RSF1: variants seen among roughly 807,000 people sequenced by gnomAD.
RSF1 encodes the protein HBV pX-associated protein 8.
Under a neutral mutation model 145.2 loss-of-function variants are expected in RSF1, and 13 were observed. The ratio of observed to expected loss-of-function variants is 0.09; its 90% confidence interval spans 0.06 to 0.14. The LOEUF is 0.14. Among genes scored for constraint, RSF1 ranks in the 10% least tolerant of loss-of-function variants. The pLI is 1.00. For synonymous variants in RSF1, 577 were observed against 592.6 expected, an observed-to-expected ratio of 0.97 and a Z score of 0.38; for missense variants, 1,517 against 1,718.2, an observed-to-expected ratio of 0.88 and a Z score of 2.07.
At chr11:77,708,031 T>C (rs1302431789) in intron 5 of RSF1, among the ~76,000 whole-genome samples, 2 of 152,208 alleles carry the variant, frequency 1.3e-5, no homozygotes, top group East Asian at 3.8e-4. Context: ...AAGTTTTCTA[T>C]AGTGAACATG....
the RSF1 span, among the ~76,000 whole-genome samples, chr11:77,840,833 G>A: frequency 1.3e-5 from 2 of 152,136 alleles, no homozygotes; most frequent in African/African-American, 4.8e-5. Context: ...ATGGCATCCA[G>A]CCTGGCGAAA....
At chr11:77,772,255 G>T (rs934541741) in intron 1 of RSF1, among the ~76,000 whole-genome samples, 1 of 151,574 alleles carries the variant, frequency 6.6e-6, no homozygotes, top group Non-Finnish European at 1.5e-5. Context: ...CCGCAGCCTC[G>T]ATCTCCTGGA....
At chr11:77,778,189 T>TGGGGAGGGGAGTGGAG (rs1326104652) in intron 1 of RSF1, among the ~76,000 whole-genome samples, 4 of 3,606 alleles carry the variant, frequency 1.1e-3, no homozygotes, top group Admixed American at 8.5e-3. Context: ...AGGGGAGGGG[T>TGGGGAGGGGAGTGGAG]GGGGGAGGGA....
At chr11:77,769,002 A>T (rs1308630881) in intron 1 of RSF1, among the ~76,000 whole-genome samples, 2 of 152,190 alleles carry the variant, frequency 1.3e-5, no homozygotes, top group Non-Finnish European at 2.9e-5. Flanking sequence ...AATTATCTTA[A>T]ATTTTAATAA....
chr11:77,749,795 C>CTGGA (rs1197056240), intron 2 of RSF1, among the ~76,000 whole-genome samples: 2 of 152,190 alleles, frequency 1.3e-5, no homozygotes, highest in African/African-American at 4.8e-5. Context: ...GTCGCCCAGG[C>CTGGA]TGGAGTGCAG....
chr11:77,777,065 C>A (rs1211023192), intron 1 of RSF1, among the ~76,000 whole-genome samples: 1 of 152,118 alleles, frequency 6.6e-6, no homozygotes, highest in East Asian at 1.9e-4. Context: ...GACCTCATCA[C>A]CTCACTTAAA....
chr11:77,701,770 T>C lies in RSF1; in HGVS notation c.1459A>G (p.Thr487Ala), dbSNP rs548757842. Reference sequence around the variant, plus strand: ...GTTATGACAGAATTTAAGGACTCTGTTCCATTTCCCTCCGTGATGATATTT... The same window carrying C: ...GTTATGACAGAATTTAAGGACTCTGCTCCATTTCCCTCCGTGATGATATTT... The part of the protein sequence containing the change: ...DRNIITEGNG[T>A]ESLNSVITSM... Residue 487 changes from threonine (T) to alanine (A), a missense_variant, in exon 6 of 16, where the codon ACA becomes GCA. By Grantham distance (58) the Thr-to-Ala change is moderately conservative. Coordinates refer to ENST00000308488, the MANE Select transcript of RSF1 (RefSeq NM_016578.4). The C allele has an allele frequency of 3.7e-6, 6 of 1,613,974 alleles. No homozygotes were observed. The African/African-American group carries it at 5.3e-5, about 14-fold the overall frequency.
chr11:77,700,601 C>A, intron 6 of RSF1, 120 bp downstream of exon 6: 2 of 685,976 alleles, frequency 2.9e-6, no homozygotes, highest in Non-Finnish European at 4.7e-6. Flanking sequence ...AAAGGTATCT[C>A]AGACAGAGGA....
chr11:77,741,022 AGGGAAAG>A (rs1947930377), intron 3 of RSF1, 86 bp from the exon 4 acceptor site: 3 of 999,798 alleles, frequency 3.0e-6, no homozygotes, highest in Non-Finnish European at 4.6e-6. Flanking sequence ...GAATTGATTC[AGGGAAAG>A]CAGTGGACAG....
At chr11:77,682,106 CT>C (rs1394451356) in intron 11 of RSF1, among the ~76,000 whole-genome samples, 7 of 152,144 alleles carry the variant, frequency 4.6e-5, no homozygotes, top group Non-Finnish European at 7.4e-5. Context: ...CATCTGTCAG[CT>C]TTGACTTCAT....
the RSF1 span, among the ~76,000 whole-genome samples, chr11:77,839,886 G>A: frequency 2.0e-5 from 3 of 152,140 alleles, no homozygotes; most frequent in Non-Finnish European, 2.9e-5. Context: ...ATACCTAGGT[G>A]ATGGGTTGAT....
At chr11:77,835,115 G>A in the RSF1 span, among the ~76,000 whole-genome samples, 1 of 152,180 alleles carries the variant, frequency 6.6e-6, no homozygotes, top group Non-Finnish European at 1.5e-5. Context: ...AGAACAGATA[G>A]ATCTAGCATT....
chr11:77,799,634 C>T (rs1198793888), intron 1 of RSF1, among the ~76,000 whole-genome samples: 1 of 152,070 alleles, frequency 6.6e-6, no homozygotes, highest in Non-Finnish European at 1.5e-5. Flanking sequence ...ACCCCAATCT[C>T]GGGCAGCCAT....
chr11:77,698,262 TAG>T (rs985634523), intron 7 of RSF1, among the ~76,000 whole-genome samples: 1 of 152,214 alleles, frequency 6.6e-6, no homozygotes, highest in African/African-American at 2.4e-5. Context: ...TATTATTATG[TAG>T]AGGAAATATC....
upstream of RSF1, chr11:77,821,186 TGCGGGCAGAG>T (rs1948879892): frequency 2.8e-6 from 1 of 351,260 alleles, no homozygotes; most frequent in African/African-American, 2.1e-5. Context: ...GGAGCGTAAG[TGCGGGCAGAG>T]CACTGCGCCG....
chr11:77,869,938 C>A, the RSF1 span: 18 of 905,782 alleles, frequency 2.0e-5, no homozygotes, highest in Non-Finnish European at 3.0e-5. Context: ...TTTTGCTGAC[C>A]CAGGATAGCA....
At chr11:77,677,905 T>C (rs1045984896) in intron 12 of RSF1, among the ~76,000 whole-genome samples, 181 bp downstream of exon 12, 1 of 152,188 alleles carries the variant, frequency 6.6e-6, no homozygotes, top group African/African-American at 2.4e-5. Flanking sequence ...TAGTAAGATC[T>C]GAGTCTATAC....
intron 3 of RSF1, among the ~76,000 whole-genome samples, chr11:77,742,184 T>C (rs973745777): frequency 6.6e-6 from 1 of 152,218 alleles, no homozygotes; most frequent in African/African-American, 2.4e-5. Flanking sequence ...CTGAATCATA[T>C]GGTAGTTCTA....
upstream of RSF1, among the ~76,000 whole-genome samples, chr11:77,825,090 A>G (rs758929213): frequency 4.6e-5 from 7 of 151,876 alleles, no homozygotes. Context: ...ACGCCATTCT[A>G]TTGCCTCAGC....
Sources: allele counts gnomAD v4.1 joint callset (sites outside exome capture counted in the v4.1 genomes callset), GRCh38; gene constraint gnomAD v4.1.1; transcripts MANE v1.5; gene names NCBI Gene and HGNC (gene_info 2026-07-23, HGNC 2026-07-21).